The following RCHY1 variants were observed in gnomAD, a reference collection of about 807,000 sequenced individuals.
RCHY1 encodes the protein RING finger and CHY zinc finger domain-containing protein 1.
Under a neutral mutation model 41.6 loss-of-function variants are expected in RCHY1, and 21 were observed. The observed-to-expected ratio is 0.51, with a 90% confidence interval of 0.36 to 0.73. RCHY1 has a LOEUF of 0.73. Ranked by LOEUF, RCHY1 falls within the 30% of genes least tolerant of loss-of-function variation. The pLI is 0.00. For missense variants in RCHY1, 265 were observed against 325.3 expected, an observed-to-expected ratio of 0.81 and a Z score of 1.43; for synonymous variants, 79 against 102.9, an observed-to-expected ratio of 0.77 and a Z score of 1.41.
At position 75,481,397 on chromosome 4, in the gene RCHY1, A is replaced by G. The variant is rs1437994071; in HGVS notation, c.*1141T>C. ...GCCTAATGGTAAAGCTATTACGGAG[A>G]TAACAGTGTCAAAGTCGGCTGGATC... On this transcript the variant is annotated 3_prime_UTR_variant, in exon 9 of 9. Coordinates refer to ENST00000324439, the MANE Select transcript of RCHY1 (RefSeq NM_015436.4). 6.6e-6 allele frequency: 1 copy of G among 152,224 alleles called. No individual in the cohort carries two copies. The allele number at this position is 152,224 out of a possible 1,614,324, so 9.4% of individuals were successfully genotyped here. A position where few individuals can be genotyped will look rare whatever the true frequency, so the allele number is the denominator to read the frequency against.
chr4:75,489,962 C>T (rs1049322732), intron 8 of RCHY1, among the ~76,000 whole-genome samples: 1 of 152,120 alleles, frequency 6.6e-6, no homozygotes, highest in Non-Finnish European at 1.5e-5. Flanking sequence ...CAAAGTTAAC[C>T]AGGAAAGTTT....
At chr4:75,497,260 T>A (rs996477793) in intron 3 of RCHY1, among the ~76,000 whole-genome samples, 2 of 152,182 alleles carry the variant, frequency 1.3e-5, no homozygotes, top group African/African-American at 4.8e-5. Context: ...GCCTCCTACA[T>A]ATTTTAAGAT....
chr4:75,493,950 A>C, intron 4 of RCHY1, 151 bp downstream of exon 4: 2 of 551,002 alleles, frequency 3.6e-6, no homozygotes, highest in Non-Finnish European at 6.4e-6. Context: ...ATATTTTAAA[A>C]TATCTACTTG....
chr4:75,494,828 A>C (rs142057784), intron 3 of RCHY1, among the ~76,000 whole-genome samples: 1 of 151,856 alleles, frequency 6.6e-6, no homozygotes, highest in South Asian at 2.1e-4. Flanking sequence ...GAGAGTAACC[A>C]TGTTCCCCAC....
At chr4:75,483,960 CT>C (rs1183947365) in intron 8 of RCHY1, among the ~76,000 whole-genome samples, 1 of 152,118 alleles carries the variant, frequency 6.6e-6, no homozygotes, top group Non-Finnish European at 1.5e-5. Context: ...AAGATGATCA[CT>C]CTCCATAAGC....
At chr4:75,511,874 T>C (rs754615605) in intron 1 of RCHY1, among the ~76,000 whole-genome samples, 9 of 151,286 alleles carry the variant, frequency 5.9e-5, no homozygotes, top group Middle Eastern at 3.5e-3. Flanking sequence ...GCAGAGCCCC[T>C]GAAAGGACTT....
At chr4:75,506,100 G>A (rs1724272175) in intron 3 of RCHY1, among the ~76,000 whole-genome samples, 1 of 77,660 alleles carries the variant, frequency 1.3e-5, no homozygotes, top group Non-Finnish European at 2.6e-5. Flanking sequence ...AGAATAAAGG[G>A]AGGAAAAAAA....
chr4:75,487,454 T>C (rs1168518675), intron 8 of RCHY1, among the ~76,000 whole-genome samples: 1 of 138,412 alleles, frequency 7.2e-6, no homozygotes, highest in Non-Finnish European at 1.5e-5. Flanking sequence ...AATATATATA[T>C]AGTCATATAT....
intron 3 of RCHY1, among the ~76,000 whole-genome samples, chr4:75,499,506 T>C (rs758898989): frequency 6.6e-6 from 1 of 152,176 alleles, no homozygotes; most frequent in African/African-American, 2.4e-5. Context: ...ATAGCTGAAA[T>C]ATGGAAGCAA....
intron 3 of RCHY1, among the ~76,000 whole-genome samples, chr4:75,507,268 T>C (rs1475541824): frequency 6.6e-6 from 1 of 152,040 alleles, no homozygotes; most frequent in Non-Finnish European, 1.5e-5. Flanking sequence ...GGTCCTAATA[T>C]TGTCCAAGAA....
rs911973784 is a variant in RCHY1 at position 75,481,251 on chromosome 4, A to C, written c.*1287T>G. 1.2e-4 allele frequency: 19 copies of C among 152,224 alleles called. No homozygotes were observed. The highest frequency in any genetic ancestry group is 4.3e-4 in the African/African-American group (18 of 41,470). The allele number at this position is 152,224 out of a possible 1,614,324, so 9.4% of individuals were successfully genotyped here. ...AAGAAATAAATGTGCCAGAACTCTT[A>C]GGCTTTCTAGTTAAAAGGCTAACTT... On this transcript the variant is annotated 3_prime_UTR_variant, in exon 9 of 9. Coordinates refer to ENST00000324439, the MANE Select transcript of RCHY1 (RefSeq NM_015436.4).
chr4:75,485,064 A>G (rs561953149), intron 8 of RCHY1, among the ~76,000 whole-genome samples: 8 of 152,360 alleles, frequency 5.3e-5, no homozygotes, highest in African/African-American at 1.9e-4. Flanking sequence ...CTTAGTTACT[A>G]TACTGCCCTG....
intron 1 of RCHY1, 33 bp from the exon 2 acceptor site, chr4:75,509,329 A>G (rs1724653160): frequency 1.3e-6 from 2 of 1,596,902 alleles, no homozygotes; most frequent in Admixed American, 3.6e-5. Flanking sequence ...AGATATAGTA[A>G]GAAGCAAAAG....
intron 3 of RCHY1, 184 bp from the exon 4 acceptor site, chr4:75,494,363 T>A (rs1246486815): frequency 1.7e-5 from 9 of 516,266 alleles, no homozygotes; most frequent in Non-Finnish European, 3.1e-5. Context: ...CAGAGTGGTA[T>A]CTACCCTTCT....
At chr4:75,514,046 T>A (rs773796599) in intron 1 of RCHY1, 151 bp downstream of exon 1, 35 of 1,250,072 alleles carry the variant, frequency 2.8e-5, no homozygotes, top group Non-Finnish European at 3.8e-5. Context: ...GCCAAAAACG[T>A]TCTCCTCAAG....
chr4:75,509,971 C>A (rs1578241822), intron 1 of RCHY1, among the ~76,000 whole-genome samples: 1 of 152,190 alleles, frequency 6.6e-6, no homozygotes, highest in African/African-American at 2.4e-5. Context: ...AAACAGCAAA[C>A]AGGCAACCTC....
At chr4:75,506,298 T>TA (rs963191875) in intron 3 of RCHY1, among the ~76,000 whole-genome samples, 18 of 139,326 alleles carry the variant, frequency 1.3e-4, no homozygotes, top group South Asian at 2.3e-4. Context: ...AACAATCAAC[T>TA]AAAAAAAAAA....
chr4:75,484,453 G>A (rs551497325), intron 8 of RCHY1, among the ~76,000 whole-genome samples: 2 of 152,234 alleles, frequency 1.3e-5, no homozygotes, highest in South Asian at 2.1e-4. Context: ...CACAGTAAAT[G>A]GCAAAACAGC....
chr4:75,491,996 ATAT>A, intron 4 of RCHY1, 63 bp from the exon 5 acceptor site: 2 of 1,247,736 alleles, frequency 1.6e-6, no homozygotes, highest in African/African-American at 1.5e-5. Flanking sequence ...AGGTATAAAA[ATAT>A]TAATAATAAA....
Sources: allele counts gnomAD v4.1 joint callset (sites outside exome capture counted in the v4.1 genomes callset), GRCh38; gene constraint gnomAD v4.1.1; transcripts MANE v1.5; gene names NCBI Gene and HGNC (gene_info 2026-07-23, HGNC 2026-07-21).